CDH12: variants seen among roughly 807,000 people sequenced by gnomAD.
CDH12 encodes cadherin 12, also known as cadherin-12.
A neutral mutation model predicts 74.1 loss-of-function variants in CDH12; 41 were observed. The observed-to-expected ratio is 0.55, with a 90% confidence interval of 0.43 to 0.72. The LOEUF (loss-of-function observed/expected upper bound fraction) is 0.72, where lower values mean the gene tolerates loss of function less well. CDH12 is among the 30% of genes least tolerant of loss of function. The pLI, the probability that CDH12 is intolerant of heterozygous loss-of-function variation, is 0.00. For missense variants in CDH12, 945 were observed against 977.2 expected, an observed-to-expected ratio of 0.97 and a Z score of 0.44; for synonymous variants, 399 against 355.0, an observed-to-expected ratio of 1.12 and a Z score of -1.39.
At chr5:22,048,652 G>T (rs1740131538) in intron 5 of CDH12, among the ~76,000 whole-genome samples, 1 of 152,076 alleles carries the variant, frequency 6.6e-6, no homozygotes, top group Non-Finnish European at 1.5e-5. Context: ...GGGGTTGGGG[G>T]AAGACACAAA....
chr5:22,456,279 A>G (rs1476220713), intron 2 of CDH12, among the ~76,000 whole-genome samples: 1 of 149,222 alleles, frequency 6.7e-6, no homozygotes, highest in Non-Finnish European at 1.5e-5. Context: ...TGTGTAATCA[A>G]CTCTTAATAA....
chr5:22,217,791 T>G (rs549413386), intron 3 of CDH12, among the ~76,000 whole-genome samples: 51 of 151,698 alleles, frequency 3.4e-4, no homozygotes, highest in South Asian at 1.2e-3. Context: ...TGAATAATAT[T>G]GCTCAATAGA....
At chr5:21,856,734 A>C (rs957243736) in intron 6 of CDH12, among the ~76,000 whole-genome samples, 42 of 151,920 alleles carry the variant, frequency 2.8e-4, no homozygotes, top group African/African-American at 9.9e-4. Context: ...GTGAATTGGA[A>C]AATACTTCAT....
At chr5:22,298,035 G>C (rs899886503) in intron 3 of CDH12, among the ~76,000 whole-genome samples, 3 of 151,376 alleles carry the variant, frequency 2.0e-5, no homozygotes, top group African/African-American at 4.8e-5. Flanking sequence ...GTTTGTTAAT[G>C]GGAAATTCAA....
At chr5:21,925,014 G>A (rs1754524639) in intron 6 of CDH12, among the ~76,000 whole-genome samples, 2 of 151,964 alleles carry the variant, frequency 1.3e-5, no homozygotes, top group African/African-American at 4.8e-5. Context: ...ATTTTTTTCT[G>A]CATTTCAAAA....
At chr5:22,712,422 C>A (rs1429321190) in intron 1 of CDH12, among the ~76,000 whole-genome samples, 1 of 151,884 alleles carries the variant, frequency 6.6e-6, no homozygotes, top group Non-Finnish European at 1.5e-5. Context: ...TCCTCAGCAT[C>A]AAAACCTCTC....
At chr5:22,612,061 C>A (rs1737431646) in intron 1 of CDH12, among the ~76,000 whole-genome samples, 2 of 152,110 alleles carry the variant, frequency 1.3e-5, no homozygotes, top group Admixed American at 6.6e-5. Flanking sequence ...GTATAAAATA[C>A]TTTAATATTT....
In CDH12 at chr5:22,067,281, G is replaced by T. The variant is rs189954107; in HGVS notation, c.231+11165C>A. Among the ~76,000 whole-genome samples, 407 of 152,192 alleles carry T rather than the reference G, an allele frequency of 2.7e-3. 3 individuals are homozygous for T. Among genetic ancestry groups the T allele is most frequent in the African/African-American group, 9.2e-3 (382 of 41,510 alleles). On this transcript the variant is annotated intron_variant, in intron 5 of 14. Coordinates refer to ENST00000382254, the MANE Select transcript of CDH12 (RefSeq NM_004061.5). ...GATATAAATCTGACAAAAATGTATTGCCATCTACCTCGTTGAAATTTGTGG... is the reference window on the plus strand; with the variant it reads ...GATATAAATCTGACAAAAATGTATTTCCATCTACCTCGTTGAAATTTGTGG...
chr5:22,218,651 G>C (rs887097861), intron 3 of CDH12, among the ~76,000 whole-genome samples: 13 of 151,596 alleles, frequency 8.6e-5, no homozygotes, highest in Admixed American at 2.0e-4. Context: ...TGATTATGAT[G>C]GTGGCTTCAC....
intron 2 of CDH12, among the ~76,000 whole-genome samples, chr5:22,453,630 C>T (rs1265972812): frequency 2.0e-5 from 3 of 152,058 alleles, no homozygotes; most frequent in African/African-American, 7.2e-5. Flanking sequence ...CAAAGTTACA[C>T]TTCGCTAGGA....
At chr5:22,584,901 C>A (rs1437403099) in intron 1 of CDH12, among the ~76,000 whole-genome samples, 1 of 152,108 alleles carries the variant, frequency 6.6e-6, no homozygotes, top group Non-Finnish European at 1.5e-5. Flanking sequence ...TTCTTTCACT[C>A]TTTTGCCTTA....
At chr5:22,301,825 C>T (rs1295817341) in intron 3 of CDH12, among the ~76,000 whole-genome samples, 2 of 151,400 alleles carry the variant, frequency 1.3e-5, no homozygotes, top group Non-Finnish European at 2.9e-5. Flanking sequence ...TTCATTCATT[C>T]ATTTATTTAT....
intron 1 of CDH12, among the ~76,000 whole-genome samples, chr5:22,830,910 T>A (rs908419319): frequency 6.6e-6 from 1 of 151,672 alleles, no homozygotes; most frequent in East Asian, 1.9e-4. Flanking sequence ...TTAAATATGC[T>A]AAAAAATGAA....
intron 9 of CDH12, among the ~76,000 whole-genome samples, chr5:21,815,478 C>T (rs1284633615): frequency 2.0e-5 from 3 of 152,086 alleles, no homozygotes; most frequent in Non-Finnish European, 4.4e-5. Context: ...TAACAGACTC[C>T]TTCATGTCAC....
chr5:21,951,243 A>C (rs1409725597), intron 6 of CDH12, among the ~76,000 whole-genome samples: 3 of 151,806 alleles, frequency 2.0e-5, no homozygotes, highest in African/African-American at 4.8e-5. Context: ...AAAGATTATT[A>C]ATATTTATTT....
chr5:21,929,959 G>T (rs1260520234), intron 6 of CDH12, among the ~76,000 whole-genome samples: 2 of 152,102 alleles, frequency 1.3e-5, no homozygotes, highest in Non-Finnish European at 1.5e-5. Context: ...TTCTACCATG[G>T]TTCACTCATT....
intron 1 of CDH12, among the ~76,000 whole-genome samples, chr5:22,616,232 T>C (rs1023245967): frequency 2.6e-5 from 4 of 152,000 alleles, no homozygotes; most frequent in African/African-American, 7.2e-5. Flanking sequence ...TTAGGAGACA[T>C]AGCAAAAAAT....
At chr5:22,051,230 A>C (rs918887552) in intron 5 of CDH12, among the ~76,000 whole-genome samples, 7 of 152,076 alleles carry the variant, frequency 4.6e-5, no homozygotes, top group African/African-American at 1.4e-4. Context: ...ATGTTATTTA[A>C]ACTCTCCAAC....
intron 7 of CDH12, among the ~76,000 whole-genome samples, chr5:21,846,159 C>G (rs113445891): frequency 6.6e-6 from 1 of 152,116 alleles, no homozygotes; most frequent in African/African-American, 2.4e-5. Flanking sequence ...AAATGGCACA[C>G]CTAGCCCTAA....
Sources: allele counts gnomAD v4.1 joint callset (sites outside exome capture counted in the v4.1 genomes callset), GRCh38; gene constraint gnomAD v4.1.1; transcripts MANE v1.5; gene names NCBI Gene and HGNC (gene_info 2026-07-23, HGNC 2026-07-21).